The following LSMEM2 variants were observed in gnomAD, a reference collection of about 807,000 sequenced individuals.
LSMEM2 encodes leucine rich single-pass membrane protein 2.
LSMEM2 carries 20 observed loss-of-function variants against 17.3 expected under a neutral mutation model. That is an observed-to-expected ratio of 1.16 (90% CI 0.81 to 1.68). The LOEUF (loss-of-function observed/expected upper bound fraction) is 1.68. LSMEM2 is among the 40% of genes most tolerant of loss of function. The pLI is 0.00. For missense variants in LSMEM2, 207 were observed against 214.3 expected, an observed-to-expected ratio of 0.97 and a Z score of 0.21; for synonymous variants, 94 against 97.8, an observed-to-expected ratio of 0.96 and a Z score of 0.23.
intron 1 of LSMEM2, among the ~76,000 whole-genome samples, chr3:50,282,254 G>T (rs1283099680): frequency 6.6e-6 from 1 of 152,168 alleles, no homozygotes; most frequent in African/African-American, 2.4e-5. Context: ...CTCCCAAAGT[G>T]CTGGGATTAC....
chr3:50,286,421 G>C, intron 1 of LSMEM2, 50 bp from the exon 2 acceptor site: 1 of 1,533,034 alleles, frequency 6.5e-7, no homozygotes, highest in Non-Finnish European at 8.8e-7. Flanking sequence ...CTGGTAGAAG[G>C]AAGGGGGTTG....
At chr3:50,284,203 C>CAAAAA (rs1235329401) in intron 1 of LSMEM2, among the ~76,000 whole-genome samples, 1 of 41,358 alleles carries the variant, frequency 2.4e-5, no homozygotes, top group Non-Finnish European at 4.5e-5. Context: ...AAGACTGTCT[C>CAAAAA]AAAAAAAAAA....
intron 1 of LSMEM2, among the ~76,000 whole-genome samples, chr3:50,283,545 C>G (rs183951649): frequency 6.8e-6 from 1 of 147,284 alleles, no homozygotes; most frequent in Non-Finnish European, 1.5e-5. Context: ...GAGAATGGCA[C>G]GAACCTGGGA....
At chr3:50,281,315 C>T (rs1323895996) in intron 1 of LSMEM2, among the ~76,000 whole-genome samples, 1 of 150,916 alleles carries the variant, frequency 6.6e-6, no homozygotes, top group East Asian at 1.9e-4. Context: ...CCACCTCGGC[C>T]TTCCAAAGTG....
chr3:50,284,862 C>T (rs1701479585), intron 1 of LSMEM2, among the ~76,000 whole-genome samples: 1 of 151,752 alleles, frequency 6.6e-6, no homozygotes, highest in Non-Finnish European at 1.5e-5. Context: ...ATGGTGAAAC[C>T]TGGTTTCTAC....
Position 50,287,331 on chromosome 3 carries a change from G to T in LSMEM2, c.*129G>T, listed in dbSNP as rs1553708769. On this transcript the variant is annotated 3_prime_UTR_variant, in exon 4 of 4. Transcript: ENST00000316436. The stretch of plus-strand genomic sequence containing the variant: ...TTTCCTTGGTGAGATTTTTGTACAA[G>T]AACCTGTTGTTAACTTAATGGCTGC... 5 of 1,278,084 alleles carry T rather than the reference G, an allele frequency of 3.9e-6. No individual in the cohort carries two copies. In the East Asian group the frequency reaches 1.2e-4, roughly 31 times the overall value. The allele number at this position is 1,278,084 out of a possible 1,614,324, so 79.2% of individuals were successfully genotyped here. A position where few individuals can be genotyped will look rare whatever the true frequency, so the allele number is the denominator to read the frequency against.
At chr3:50,286,435 C>T in intron 1 of LSMEM2, 36 bp from the exon 2 acceptor site, 1 of 1,555,706 alleles carries the variant, frequency 6.4e-7, no homozygotes. Context: ...GGGGTTGACC[C>T]ACCACTGGCT....
At position 50,288,099 on chromosome 3, in the gene LSMEM2, G is replaced by T; in HGVS notation, c.*897G>T. On this transcript the variant is annotated 3_prime_UTR_variant, in exon 4 of 4. Transcript: ENST00000316436. ...GTTTTGTCATTAAAAAAAATAAAGT[G>T]ACAAATACTGGTGGAGACCAGTTGT... The T allele has an allele frequency of 1.7e-6, 2 of 1,166,520 alleles. No homozygotes were observed. Among genetic ancestry groups the T allele is most frequent in the Non-Finnish European group, 2.5e-6 (2 of 800,238 alleles). 72.3% of individuals were successfully genotyped at this position (1,166,520 alleles called of 1,614,324 possible). A position where few individuals can be genotyped will look rare whatever the true frequency, so the allele number is the denominator to read the frequency against.
chr3:50,282,337 A>C (rs1164837748), intron 1 of LSMEM2, among the ~76,000 whole-genome samples: 1 of 152,172 alleles, frequency 6.6e-6, no homozygotes, highest in Non-Finnish European at 1.5e-5. Context: ...AGACATAATG[A>C]CTGGCAGCAC....
chr3:50,280,656 C>T (rs1448502149), intron 1 of LSMEM2, among the ~76,000 whole-genome samples: 5 of 149,488 alleles, frequency 3.3e-5, no homozygotes, highest in South Asian at 2.1e-4. Flanking sequence ...TGCAGTGGCG[C>T]GATCTCAGCT....
chr3:50,282,952 TGAG>T (rs1701433674), intron 1 of LSMEM2, among the ~76,000 whole-genome samples: 3 of 151,644 alleles, frequency 2.0e-5, no homozygotes, highest in African/African-American at 7.3e-5. Context: ...TTTGGGAGGC[TGAG>T]GTGAGCAGAT....
Position 50,286,704 on chromosome 3 carries a change from AG to A in LSMEM2, c.205del (p.Ala69HisfsTer42), listed in dbSNP as rs1553708566. On this transcript the variant is annotated frameshift_variant, in exon 3 of 4. Transcript: ENST00000316436. LOFTEE classifies it high-confidence loss of function. ...ACACTGCGCCCCTATCTAACTGAAG[AG>A]GCACGACCGTGGGATGAGCTGCTGG... The part of the protein sequence containing the change: ...AGTLRPYLTE[E>X]ARPWDELLGV... 6.2e-7 allele frequency: 1 copy of A among 1,614,130 alleles called. No homozygotes were observed. Among genetic ancestry groups the A allele is most frequent in the Non-Finnish European group, 8.5e-7 (1 of 1,180,018 alleles).
chr3:50,287,694 T>G lies in LSMEM2; in HGVS notation c.*492T>G. The G allele has an allele frequency of 4.7e-6, 1 of 212,076 alleles. No homozygotes were observed. Among genetic ancestry groups the G allele is most frequent in the South Asian group, 8.5e-5 (1 of 11,764 alleles). 13.1% of individuals were successfully genotyped at this position (212,076 alleles called of 1,614,324 possible). A position where few individuals can be genotyped will look rare whatever the true frequency, so the allele number is the denominator to read the frequency against. On this transcript the variant is annotated 3_prime_UTR_variant, in exon 4 of 4. Coordinates refer to ENST00000316436, the MANE Select transcript of LSMEM2 (RefSeq NM_153215.3). Reference sequence around the variant, plus strand: ...AGACCAGTTGGGCCCAAGCCTGGGATAGTAGATGGGGAGGGAGAACAGAAA... The same window carrying G: ...AGACCAGTTGGGCCCAAGCCTGGGAGAGTAGATGGGGAGGGAGAACAGAAA...
chr3:50,286,381 C>A, intron 1 of LSMEM2, 90 bp from the exon 2 acceptor site: 1 of 1,477,750 alleles, frequency 6.8e-7, no homozygotes, highest in South Asian at 1.3e-5. Flanking sequence ...CTATCCCTAT[C>A]ATCCGCAAGT....
Position 50,286,873 on chromosome 3 carries a change from A to C in LSMEM2, c.361+11A>C. On this transcript the variant is annotated intron_variant, in intron 3 of 3. Transcript: ENST00000316436. ...CTGTCTACCTGAGCGGTATGGACGCATAGGGTGCTAGTAGGAATGGAAAGC... is the reference window on the plus strand; with the variant it reads ...CTGTCTACCTGAGCGGTATGGACGCCTAGGGTGCTAGTAGGAATGGAAAGC... The C allele has an allele frequency of 6.2e-7, 1 of 1,613,022 alleles. No homozygotes were observed. The highest frequency in any genetic ancestry group is 1.7e-4 in the Middle Eastern group (1 of 6,058).
chr3:50,284,342 AT>A (rs587634698), intron 1 of LSMEM2, among the ~76,000 whole-genome samples: 11 of 152,014 alleles, frequency 7.2e-5, no homozygotes, highest in Admixed American at 6.6e-4. Flanking sequence ...TGTAAATATA[AT>A]TTTTTTCCTA....
Position 50,286,871 on chromosome 3 carries a change from G to C in LSMEM2, c.361+9G>C, listed in dbSNP as rs374787696. The C allele has an allele frequency of 1.2e-6, 2 of 1,612,824 alleles. No homozygotes were observed. Among genetic ancestry groups the C allele is most frequent in the South Asian group, 2.2e-5 (2 of 91,020 alleles). On this transcript the variant is annotated intron_variant, in intron 3 of 3. Transcript: ENST00000316436. Reference sequence around the variant, plus strand: ...GGCTGTCTACCTGAGCGGTATGGACGCATAGGGTGCTAGTAGGAATGGAAA... The same window carrying C: ...GGCTGTCTACCTGAGCGGTATGGACCCATAGGGTGCTAGTAGGAATGGAAA...
In LSMEM2 at chr3:50,287,486, T is replaced by G. The variant is rs903872131; in HGVS notation, c.*284T>G. 3 of 487,086 alleles carry G rather than the reference T, an allele frequency of 6.2e-6. No homozygotes were observed. Among genetic ancestry groups the G allele is most frequent in the Non-Finnish European group, 1.1e-5 (3 of 266,770 alleles). The allele number at this position is 487,086 out of a possible 1,614,324, so 30.2% of individuals were successfully genotyped here. ...CCTCCTGTGGCCTGTCAACACTCTC[T>G]GGCCACCCCAGATGGCAGGTTCTGA... is the stretch of plus-strand genomic sequence containing the variant. On this transcript the variant is annotated 3_prime_UTR_variant, in exon 4 of 4. Coordinates refer to ENST00000316436, the MANE Select transcript of LSMEM2 (RefSeq NM_153215.3).
At chr3:50,282,669 G>T (rs1191201312) in intron 1 of LSMEM2, among the ~76,000 whole-genome samples, 1 of 152,142 alleles carries the variant, frequency 6.6e-6, no homozygotes, top group African/African-American at 2.4e-5. Flanking sequence ...CAGATGACTT[G>T]AGGTCAGGAG....
Sources: allele counts gnomAD v4.1 joint callset (sites outside exome capture counted in the v4.1 genomes callset), GRCh38; gene constraint gnomAD v4.1.1; transcripts MANE v1.5; gene names NCBI Gene and HGNC (gene_info 2026-07-23, HGNC 2026-07-21).